Variants in CACNA2D1 observed in about 807,000 individuals in gnomAD.
CACNA2D1 encodes voltage-dependent calcium channel subunit alpha-2/delta-1.
CACNA2D1 carries 53 observed loss-of-function variants against 171.5 expected under a neutral mutation model. That is an observed-to-expected ratio of 0.31 (90% CI 0.25 to 0.39). The LOEUF (loss-of-function observed/expected upper bound fraction) is 0.39. Among genes scored for constraint, CACNA2D1 ranks in the 10% least tolerant of loss-of-function variants. The pLI, the probability that CACNA2D1 is intolerant of heterozygous loss-of-function variation, is 1.00. For missense variants in CACNA2D1, 903 were observed against 1,299.8 expected (o/e 0.69, Z 4.69); for synonymous variants, 442 against 443.1 (o/e 1.00, Z 0.03).
chr7:82,310,556 C>T lies in CACNA2D1; in HGVS notation c.294+24579G>A, dbSNP rs1023470975. 7.2e-5 allele frequency among the ~76,000 whole-genome samples: 11 copies of T among 151,786 alleles called. No individual in the cohort carries two copies. The South Asian group carries it at 8.3e-4, about 11-fold the overall frequency. On this transcript the variant is annotated intron_variant, in intron 3 of 38. Transcript: ENST00000356860. ...ATCAAAAACACATATTAATGCAAAG[C>T]TATAATTTGTTTTTTTCTTTTGAAT...
At position 82,155,858 on chromosome 7, in the gene CACNA2D1, AACT is replaced by A. The variant is rs1172960604; in HGVS notation, c.354+14689_354+14691del. Among the ~76,000 whole-genome samples, 3 of 152,222 alleles carry A rather than the reference AACT, an allele frequency of 2.0e-5. No individual in the cohort carries two copies. In the East Asian group the frequency reaches 5.8e-4, roughly 29 times the overall value. ...TTTGCAAAGAGCAGCTGAAACAGACAACTACAAGTTGAGGAAAAACACAGTCAA... is the reference window on the plus strand; with the variant it reads ...TTTGCAAAGAGCAGCTGAAACAGACAACAAGTTGAGGAAAAACACAGTCAA... On this transcript the variant is annotated intron_variant, in intron 4 of 38. Coordinates refer to ENST00000356860, the MANE Select transcript of CACNA2D1 (RefSeq NM_000722.4).
chr7:81,956,349 G>GTAAC (rs1321171157), intron 38 of CACNA2D1, among the ~76,000 whole-genome samples: 1 of 151,960 alleles, frequency 6.6e-6, no homozygotes, highest in Non-Finnish European at 1.5e-5. Flanking sequence ...ATTTTTTAGT[G>GTAAC]TAACTGATAA....
At chr7:82,165,287 C>G (rs919393743) in intron 4 of CACNA2D1, among the ~76,000 whole-genome samples, 5 of 152,012 alleles carry the variant, frequency 3.3e-5, no homozygotes, top group Admixed American at 3.3e-4. Context: ...TCTACATGTA[C>G]TTTATCACAG....
At chr7:81,981,443 A>G (rs1796437878) in intron 24 of CACNA2D1, among the ~76,000 whole-genome samples, 1 of 152,190 alleles carries the variant, frequency 6.6e-6, no homozygotes, top group South Asian at 2.1e-4. Flanking sequence ...CTTTGTTAAC[A>G]GAGATTTTTC....
At chr7:82,124,152 T>C (rs914417075) in intron 5 of CACNA2D1, among the ~76,000 whole-genome samples, 3 of 152,128 alleles carry the variant, frequency 2.0e-5, no homozygotes, top group Non-Finnish European at 4.4e-5. Context: ...AACTGTAAGG[T>C]AATTTTTTAA....
In CACNA2D1 at chr7:82,181,432, C is replaced by T. The variant is rs1269605486; in HGVS notation, c.295-10823G>A. 3.9e-5 allele frequency among the ~76,000 whole-genome samples: 6 copies of T among 152,322 alleles called. No individual in the cohort carries two copies. The East Asian group carries it at 1.2e-3, about 29-fold the overall frequency. ...ACTTCTCAAAGTGTGCCCAGACCCGCTGGGGCAGCATCACCTGCATCTTGT... is the reference window on the plus strand; with the variant it reads ...ACTTCTCAAAGTGTGCCCAGACCCGTTGGGGCAGCATCACCTGCATCTTGT... On this transcript the variant is annotated intron_variant, in intron 3 of 38. Transcript: ENST00000356860.
chr7:82,190,754 C>T (rs1274482804), intron 3 of CACNA2D1, among the ~76,000 whole-genome samples: 8 of 151,518 alleles, frequency 5.3e-5, no homozygotes. Flanking sequence ...TTCATAGAAT[C>T]ATATATTGTT....
intron 8 of CACNA2D1, 134 bp downstream of exon 8, chr7:82,066,321 T>C (rs1807593768): frequency 3.3e-6 from 4 of 1,204,670 alleles, no homozygotes; most frequent in Admixed American, 2.5e-5. Context: ...TACCTATATT[T>C]ACTTATTTTT....
rs1465064073 is a variant in CACNA2D1 at position 82,226,897 on chromosome 7, A to T, written c.295-56288T>A. On this transcript the variant is annotated intron_variant, in intron 3 of 38. Transcript: ENST00000356860. ...CTGTGCCCAGTTTAACTTGTACTAT[A>T]AAAGCTGGGGTAGAAGGCCTTCCCT... Among the ~76,000 whole-genome samples the T allele has an allele frequency of 3.3e-5, 5 of 152,274 alleles. No individual in the cohort carries two copies. In the East Asian group the frequency reaches 9.6e-4, roughly 29 times the overall value.
intron 3 of CACNA2D1, among the ~76,000 whole-genome samples, chr7:82,245,111 T>A (rs1415288106): frequency 6.6e-6 from 1 of 152,228 alleles, no homozygotes; most frequent in Non-Finnish European, 1.5e-5. Flanking sequence ...GCCGATTTTC[T>A]AACAAAGCAT....
At chr7:82,154,273 T>C (rs1223908066) in intron 4 of CACNA2D1, among the ~76,000 whole-genome samples, 2 of 152,204 alleles carry the variant, frequency 1.3e-5, no homozygotes, top group Non-Finnish European at 2.9e-5. Flanking sequence ...TTTAATTTTT[T>C]AAATATTTGT....
intron 3 of CACNA2D1, among the ~76,000 whole-genome samples, chr7:82,312,981 G>A (rs2129433943): frequency 6.6e-6 from 1 of 152,218 alleles, no homozygotes; most frequent in East Asian, 1.9e-4. Context: ...AGAAATGCCT[G>A]TTATTAACGA....
intron 1 of CACNA2D1, among the ~76,000 whole-genome samples, chr7:82,404,954 T>C (rs1225028762): frequency 2.6e-5 from 4 of 152,238 alleles, no homozygotes; most frequent in Non-Finnish European, 1.5e-5. Context: ...ATCTAAAGCA[T>C]GTAAGACACT....
intron 3 of CACNA2D1, among the ~76,000 whole-genome samples, chr7:82,185,032 T>C (rs1174302844): frequency 2.0e-5 from 3 of 152,182 alleles, no homozygotes; most frequent in Admixed American, 2.0e-4. Context: ...AGGCTACCTA[T>C]TCCAGAGTCC....
At chr7:82,384,458 A>T (rs1371578372) in intron 1 of CACNA2D1, among the ~76,000 whole-genome samples, 1 of 152,160 alleles carries the variant, frequency 6.6e-6, no homozygotes, top group African/African-American at 2.4e-5. Context: ...TCGGCACCTT[A>T]TTCTTGGACT....
intron 2 of CACNA2D1, among the ~76,000 whole-genome samples, chr7:82,337,720 G>T (rs1024047500): frequency 2.6e-5 from 4 of 152,134 alleles, no homozygotes; most frequent in African/African-American, 7.2e-5. Flanking sequence ...CACATGCTGT[G>T]CAAAACTGGC....
At chr7:82,293,380 T>A (rs1349975838) in intron 3 of CACNA2D1, among the ~76,000 whole-genome samples, 1 of 152,192 alleles carries the variant, frequency 6.6e-6, no homozygotes. Flanking sequence ...TTTATCCATA[T>A]TTAAGAGTAA....
chr7:82,328,424 C>T (rs1816905324), intron 3 of CACNA2D1, among the ~76,000 whole-genome samples: 1 of 152,134 alleles, frequency 6.6e-6, no homozygotes, highest in Non-Finnish European at 1.5e-5. Flanking sequence ...TTTTATTCCT[C>T]AGTAATTTTA....
At chr7:82,122,230 A>AT (rs1789826914) in intron 5 of CACNA2D1, among the ~76,000 whole-genome samples, 1 of 152,210 alleles carries the variant, frequency 6.6e-6, no homozygotes, top group Non-Finnish European at 1.5e-5. Flanking sequence ...TGAAAGATAA[A>AT]TTAGAACTAA....
Sources: gnomAD v4.1 joint callset for allele counts (sites outside exome capture counted in the v4.1 genomes callset) on GRCh38, gnomAD v4.1.1 for gene constraint, MANE v1.5 for transcripts, NCBI Gene and HGNC (gene_info 2026-07-23, HGNC 2026-07-21) for gene names.